ADH5: variants seen among roughly 807,000 people sequenced by gnomAD.
The protein encoded by ADH5 is alcohol dehydrogenase class-3.
A neutral mutation model predicts 40.3 loss-of-function variants in ADH5; 32 were observed. That is an observed-to-expected ratio of 0.79 (90% CI 0.60 to 1.07). The LOEUF (loss-of-function observed/expected upper bound fraction) is 1.07, where lower values mean the gene tolerates loss of function less well. ADH5 is among the 50% of genes least tolerant of loss of function. ADH5 has a pLI of 0.00. For missense variants in ADH5, 353 were observed against 460.5 expected (o/e 0.77, Z 2.14); for synonymous variants, 125 against 154.3 (o/e 0.81, Z 1.41).
intron 2 of ADH5, 44 bp from the exon 3 acceptor site, chr4:99,082,160 G>A (rs1310297828): frequency 1.9e-6 from 3 of 1,590,624 alleles, no homozygotes; most frequent in East Asian, 2.2e-5. Flanking sequence ...ATGTGTGCAT[G>A]CAATTCAGAG....
intron 1 of ADH5, among the ~76,000 whole-genome samples, chr4:99,086,715 C>A (rs1359300166): frequency 6.7e-6 from 1 of 149,756 alleles, no homozygotes; most frequent in Non-Finnish European, 1.5e-5. Flanking sequence ...GAGGCCGAGG[C>A]GGGCGGATCA....
intron 3 of ADH5, 109 bp downstream of exon 3, chr4:99,081,866 T>C: frequency 9.3e-7 from 1 of 1,073,836 alleles, no homozygotes; most frequent in Non-Finnish European, 1.3e-6. Context: ...CTTGACAATC[T>C]ACTTAGATGA....
chr4:99,086,074 A>G (rs1384728118), intron 1 of ADH5, among the ~76,000 whole-genome samples: 2 of 121,758 alleles, frequency 1.6e-5, no homozygotes, highest in East Asian at 3.0e-4. Context: ...GAGATATGCT[A>G]TAAATATAGC....
At position 99,085,371 on chromosome 4, in the gene ADH5, C is replaced by T. The variant is rs560399041; in HGVS notation, c.13-155G>A. The T allele has an allele frequency of 1.0e-3, 452 of 443,702 alleles. 10 individuals are homozygous for T. The South Asian group carries it at 0.022, about 22-fold the overall frequency. 27.5% of individuals were successfully genotyped at this position (443,702 alleles called of 1,614,324 possible). A position where few individuals can be genotyped will look rare whatever the true frequency, so the allele number is the denominator to read the frequency against. On this transcript the variant is annotated intron_variant, in intron 1 of 8. Coordinates refer to ENST00000296412, the MANE Select transcript of ADH5 (RefSeq NM_000671.4). ...CCAAGTGATATGTTTTTAGATTTCA[C>T]ACAAATAGTATACATCAAAAATGAT...
intron 4 of ADH5, among the ~76,000 whole-genome samples, chr4:99,079,592 C>T (rs1213816721): frequency 6.6e-6 from 1 of 151,940 alleles, no homozygotes; most frequent in East Asian, 1.9e-4. Context: ...GAGCTGTACA[C>T]TTAAGATCTA....
intron 3 of ADH5, 152 bp from the exon 4 acceptor site, chr4:99,081,604 G>A (rs999104393): frequency 3.9e-5 from 24 of 608,368 alleles, no homozygotes; most frequent in African/African-American, 1.1e-4. Flanking sequence ...TTCAGATACT[G>A]TCTGACCATG....
chr4:99,077,998 A>C (rs960706880), intron 4 of ADH5, among the ~76,000 whole-genome samples: 2 of 152,242 alleles, frequency 1.3e-5, no homozygotes, highest in African/African-American at 4.8e-5. Context: ...ATGAGATGTT[A>C]TATGAGGCTT....
Position 99,072,597 on chromosome 4 carries a change from A to G in ADH5, c.1076T>C (p.Phe359Ser), listed in dbSNP as rs1328585447. The change falls in exon 8 of 9, where the codon TTT becomes TCT. Residue 359 changes from phenylalanine (F) to serine (S), a missense_variant. Physicochemically the swap from Phe to Ser is radical, Grantham distance 155. Transcript: ENST00000296412. ...CCTCTTTCCAGAATGCATCAGTTCAAAGGCTTTGTTGATTTCATCAAAAGA... is the reference window on the plus strand; with the variant it reads ...CCTCTTTCCAGAATGCATCAGTTCAGAGGCTTTGTTGATTTCATCAAAAGA... ...NLSFDEINKAFELMHSGKSIR... is the reference protein window; with the variant it reads ...NLSFDEINKASELMHSGKSIR... The G allele has an allele frequency of 1.2e-6, 2 of 1,613,370 alleles. No individual in the cohort carries two copies. Among genetic ancestry groups the G allele is most frequent in the Non-Finnish European group, 1.7e-6 (2 of 1,179,700 alleles).
chr4:99,086,320 G>T (rs1463050399), intron 1 of ADH5, among the ~76,000 whole-genome samples: 1 of 152,146 alleles, frequency 6.6e-6, no homozygotes, highest in Admixed American at 6.5e-5. Flanking sequence ...TTATAGTCAT[G>T]TATACCCTCC....
intron 1 of ADH5, among the ~76,000 whole-genome samples, chr4:99,086,672 C>T (rs984062903): frequency 2.0e-5 from 3 of 152,000 alleles, no homozygotes; most frequent in Non-Finnish European, 4.4e-5. Context: ...TGGCCGGGCG[C>T]GGTGGCTCAA....
Position 99,072,368 on chromosome 4 carries a change from C to T in ADH5, c.*49G>A. 1.3e-6 allele frequency: 2 copies of T among 1,593,232 alleles called. No individual in the cohort carries two copies. Among genetic ancestry groups the T allele is most frequent in the Non-Finnish European group, 8.6e-7 (1 of 1,164,774 alleles). On this transcript the variant is annotated 3_prime_UTR_variant, in exon 9 of 9. Transcript: ENST00000296412. ...GAGGCGCTTCTCCCTGCCTGTTAAG[C>T]TGCTCCTATCACATCACGACAGGAT... is the stretch of plus-strand genomic sequence containing the variant.
intron 4 of ADH5, among the ~76,000 whole-genome samples, chr4:99,078,548 G>A (rs951066320): frequency 2.0e-5 from 3 of 152,060 alleles, no homozygotes; most frequent in Non-Finnish European, 2.9e-5. Flanking sequence ...CCACAAGCAC[G>A]TGCCACCAAG....
intron 1 of ADH5, among the ~76,000 whole-genome samples, chr4:99,086,704 G>A (rs1728139891): frequency 6.6e-6 from 1 of 152,010 alleles, no homozygotes; most frequent in South Asian, 2.1e-4. Context: ...CAGCACTTTG[G>A]GAGGCCGAGG....
chr4:99,074,907 G>A lies in ADH5; in HGVS notation c.961+7C>T, dbSNP rs772887965. 1.1e-4 allele frequency: 170 copies of A among 1,599,430 alleles called. No individual in the cohort carries two copies. The highest frequency in any genetic ancestry group is 5.4e-4 in the Middle Eastern group (3 of 5,606). ...AGAAAATGCAGTCATCTCATCCATC[G>A]AATTACCTCCAAAGGCAGTGCCTTT... is the stretch of plus-strand genomic sequence containing the variant. On this transcript the variant is annotated splice_region_variant and intron_variant, in intron 7 of 8. Transcript: ENST00000296412.
chr4:99,074,422 G>T (rs1028210097), intron 7 of ADH5, among the ~76,000 whole-genome samples: 2 of 152,104 alleles, frequency 1.3e-5, no homozygotes, highest in Non-Finnish European at 2.9e-5. Flanking sequence ...TTATGATAAG[G>T]CTTTGTCCAA....
chr4:99,077,825 T>G (rs1239226788), intron 4 of ADH5, among the ~76,000 whole-genome samples: 1 of 152,220 alleles, frequency 6.6e-6, no homozygotes, highest in Non-Finnish European at 1.5e-5. Context: ...TAAACAGAGG[T>G]GATGTAACAT....
intron 6 of ADH5, 66 bp downstream of exon 6, chr4:99,076,226 T>G (rs1727925769): frequency 1.3e-6 from 2 of 1,542,110 alleles, no homozygotes. Context: ...AAACAATTTT[T>G]AATCTAAAAC....
At chr4:99,076,116 G>A (rs1727923247) in intron 6 of ADH5, 176 bp downstream of exon 6, 3 of 632,124 alleles carry the variant, frequency 4.7e-6, no homozygotes, top group East Asian at 5.6e-5. Context: ...ATCCTTCCCT[G>A]AGCTGTTCTT....
chr4:99,071,054 A>G lies in ADH5; in HGVS notation c.*1363T>C, dbSNP rs753205283. The G allele has an allele frequency of 6.6e-6, 1 of 152,248 alleles. No individual in the cohort carries two copies. Among genetic ancestry groups the G allele is most frequent in the Non-Finnish European group, 1.5e-5 (1 of 68,044 alleles). The allele number at this position is 152,248 out of a possible 1,614,324, so 9.4% of individuals were successfully genotyped here. A position where few individuals can be genotyped will look rare whatever the true frequency, so the allele number is the denominator to read the frequency against. On this transcript the variant is annotated 3_prime_UTR_variant, in exon 9 of 9. Transcript: ENST00000296412. ...GAAAAGTCACAAGATAGACTAGAAG[A>G]TATTTGCAACATATAAAACTGACAA...
Sources: gnomAD v4.1 joint callset for allele counts (sites outside exome capture counted in the v4.1 genomes callset) on GRCh38, gnomAD v4.1.1 for gene constraint, MANE v1.5 for transcripts, NCBI Gene and HGNC (gene_info 2026-07-23, HGNC 2026-07-21) for gene names.